Variants in IQCK observed in about 807,000 individuals in gnomAD.
IQCK encodes IQ motif containing K.
IQCK carries 29 observed loss-of-function variants against 28.1 expected under a neutral mutation model. That is an observed-to-expected ratio of 1.03 (90% confidence interval 0.77 to 1.41). IQCK has a LOEUF of 1.41. Ranked by LOEUF, IQCK falls within the 40% of genes most tolerant of loss-of-function variation. The pLI is 0.00. For missense variants in IQCK, 359 were observed against 314.7 expected (o/e 1.14, Z -1.07); for synonymous variants, 113 against 115.1 (o/e 0.98, Z 0.12).
chr16:19,784,624 T>C (rs1195625405), intron 6 of IQCK, among the ~76,000 whole-genome samples: 2 of 152,216 alleles, frequency 1.3e-5, no homozygotes, highest in East Asian at 1.9e-4. Flanking sequence ...GTGTCTACTC[T>C]TGTGGAGCTT....
chr16:19,783,995 A>G (rs1484524976), intron 6 of IQCK, among the ~76,000 whole-genome samples: 1 of 146,520 alleles, frequency 6.8e-6, no homozygotes, highest in African/African-American at 2.5e-5. Context: ...ATTTCATGAC[A>G]TCGGTTGTGA....
At position 19,780,457 on chromosome 16, in the gene IQCK, C is replaced by T. The variant is rs182872715; in HGVS notation, c.606-8381C>T. Among the ~76,000 whole-genome samples the T allele has an allele frequency of 7.6e-4, 115 of 152,286 alleles. 1 individual carries two copies. Among genetic ancestry groups the T allele is most frequent in the African/African-American group, 2.7e-3 (111 of 41,554 alleles). On this transcript the variant is annotated intron_variant, in intron 6 of 7. Transcript: ENST00000564186. ...AAGTGCTGGGATTACAGGCATGAGC[C>T]ACTGCACCTGGCCCATCCTGTTTAT... is the stretch of plus-strand genomic sequence containing the variant.
At position 19,751,503 on chromosome 16, in the gene IQCK, A is replaced by C. The variant is rs145927136; in HGVS notation, c.475-12345A>C. 4.0e-3 allele frequency among the ~76,000 whole-genome samples: 615 copies of C among 152,176 alleles called. 3 individuals carry two copies. The highest frequency in any genetic ancestry group is 0.014 in the African/African-American group (566 of 41,524). ...TAAAAAAGATAAATAAATAAAAATAAATTTTAAAATTATGTTTGAAGGAGG... is the reference window on the plus strand; with the variant it reads ...TAAAAAAGATAAATAAATAAAAATACATTTTAAAATTATGTTTGAAGGAGG... On this transcript the variant is annotated intron_variant, in intron 4 of 7. Transcript: ENST00000564186.
At chr16:19,778,461 G>T (rs557128699) in intron 6 of IQCK, among the ~76,000 whole-genome samples, 1 of 152,136 alleles carries the variant, frequency 6.6e-6, no homozygotes, top group East Asian at 1.9e-4. Context: ...TTTGCAACCA[G>T]CTTGGGCAAC....
At chr16:19,830,732 C>A (rs1019099443), downstream of IQCK, among the ~76,000 whole-genome samples, 2 of 152,142 alleles carry the variant, frequency 1.3e-5, no homozygotes, top group Non-Finnish European at 2.9e-5. Flanking sequence ...CACTTCTATC[C>A]ATGTGACCCT....
In IQCK at chr16:19,825,867, G is replaced by C. The variant is rs2056142720; in HGVS notation, c.691-1159G>C. Among the ~76,000 whole-genome samples the C allele has an allele frequency of 6.6e-6, 1 of 152,194 alleles. No individual in the cohort carries two copies. Among genetic ancestry groups the C allele is most frequent in the African/African-American group, 2.4e-5 (1 of 41,466 alleles). ...TAGAACTGTGGTTAATGCATTAACT[G>C]TGGTGAACCTAGAACTGTGCTGTTC... On this transcript the variant is annotated intron_variant, in intron 7 of 7. Coordinates refer to ENST00000564186, the Ensembl canonical transcript of IQCK. This position sits in a 1 kb window ranked among gnomAD's most constrained non-coding sequence, Gnocchi z 4.2.
intron 9 of IQCK, among the ~76,000 whole-genome samples, chr16:19,838,432 C>T (rs1001717821): frequency 1.3e-5 from 2 of 152,228 alleles, no homozygotes; most frequent in Non-Finnish European, 2.9e-5. Flanking sequence ...AGGTAGGAAG[C>T]ACATATTCTG....
At chr16:19,806,701 AC>A (rs1374476207) in intron 7 of IQCK, among the ~76,000 whole-genome samples, 4 of 58,416 alleles carry the variant, frequency 6.8e-5, no homozygotes, top group Admixed American at 1.8e-4. Flanking sequence ...ACCACTCCCC[AC>A]CCCCCCACCC....
rs137913243 is a variant in IQCK at position 19,743,170 on chromosome 16, CAAAT to C, written c.474+7740_474+7743del. Among the ~76,000 whole-genome samples, 37 of 151,630 alleles carry C rather than the reference CAAAT, an allele frequency of 2.4e-4. No homozygotes were observed. In the East Asian group the frequency reaches 5.7e-3, roughly 23 times the overall value. The stretch of plus-strand genomic sequence containing the variant: ...TGGGTGGCAGAGTGAGATTCTGTCT[CAAAT>C]AAATAAATAAATAAATAAAAGTCAG... On this transcript the variant is annotated intron_variant, in intron 4 of 7. Coordinates refer to ENST00000564186, the Ensembl canonical transcript of IQCK.
chr16:19,830,677 C>T (rs575388757), downstream of IQCK, among the ~76,000 whole-genome samples: 1 of 152,302 alleles, frequency 6.6e-6, no homozygotes, highest in Admixed American at 6.5e-5. Flanking sequence ...AGGTAAAGGA[C>T]CGGGCTTTGG....
At chr16:19,748,439 C>G in intron 4 of IQCK, among the ~76,000 whole-genome samples, 1 of 152,114 alleles carries the variant, frequency 6.6e-6, no homozygotes, top group African/African-American at 2.4e-5. Context: ...CTCTGTGCCC[C>G]CATTTTCTGA....
intron 6 of IQCK, among the ~76,000 whole-genome samples, chr16:19,776,078 A>G (rs1160110936): frequency 5.9e-5 from 9 of 151,782 alleles, no homozygotes; most frequent in African/African-American, 2.2e-4. Context: ...ATGGGGTTTC[A>G]CTATGTTAGC....
chr16:19,818,218 G>T (rs1022106015), intron 7 of IQCK, among the ~76,000 whole-genome samples: 2 of 152,042 alleles, frequency 1.3e-5, no homozygotes, highest in Non-Finnish European at 2.9e-5. Context: ...ATTCTTATGA[G>T]CATGAGACTT....
At position 19,733,595 on chromosome 16, in the gene IQCK, T is replaced by TA. The variant is rs149844682; in HGVS notation, c.247-100dup. 7.5e-4 allele frequency: 1,039 copies of TA among 1,379,052 alleles called. 2 individuals are homozygous for TA. The African/African-American group carries it at 0.013, about 17-fold the overall frequency. The allele number at this position is 1,379,052 out of a possible 1,614,324, so 85.4% of individuals were successfully genotyped here. ...GTGCTCAGCGTACCCCCTTGAACCT[T>TA]AAAGTCTGATGCAGAATTTTATTCC... On this transcript the variant is annotated intron_variant, in intron 2 of 7. Transcript: ENST00000564186.
chr16:19,857,406 A>T (rs933980600), exon 10 of IQCK: 6 of 433,276 alleles, frequency 1.4e-5, no homozygotes, highest in African/African-American at 1.0e-4. Context: ...ATAGTCGTTT[A>T]TGGTACATAT....
rs1330235807 is a variant in IQCK at position 19,799,633 on chromosome 16, CA to C, written c.690+10712del. On this transcript the variant is annotated intron_variant, in intron 7 of 7. Transcript: ENST00000564186. ...ACACACACACACACACACACACACA[CA>C]CACACACCCAGTGAATACATTGAGT... Among the ~76,000 whole-genome samples, 90 of 140,108 alleles carry C rather than the reference CA, an allele frequency of 6.4e-4. 11 individuals carry two copies. Among genetic ancestry groups the C allele is most frequent in the African/African-American group, 2.8e-3 (86 of 31,236 alleles). The allele number at this position is 140,108 out of a possible 152,430, so 91.9% of individuals were successfully genotyped here.
chr16:19,832,688 A>G (rs1403732062), intron 9 of IQCK, among the ~76,000 whole-genome samples: 2 of 152,206 alleles, frequency 1.3e-5, no homozygotes, highest in Non-Finnish European at 2.9e-5. Context: ...ACACTGCTAT[A>G]AAGAATACCT....
intron 7 of IQCK, among the ~76,000 whole-genome samples, chr16:19,802,651 A>G (rs1470904066): frequency 6.7e-6 from 1 of 150,250 alleles, no homozygotes; most frequent in East Asian, 2.0e-4. Context: ...AGTTCTTCAA[A>G]GGCACAAAGC....
At chr16:19,826,311 A>AT (rs986021162) in intron 7 of IQCK, among the ~76,000 whole-genome samples, 6 of 151,970 alleles carry the variant, frequency 3.9e-5, no homozygotes, top group Non-Finnish European at 7.4e-5. Context: ...GCCCAGCATA[A>AT]TTTTTTTTAA....
Sources: allele counts gnomAD v4.1 joint callset (sites outside exome capture counted in the v4.1 genomes callset), GRCh38; gene constraint gnomAD v4.1.1; non-coding constraint Gnocchi (gnomAD v3.1); transcripts MANE v1.5; gene names NCBI Gene and HGNC (gene_info 2026-07-23, HGNC 2026-07-21).